PIP5K1B: variants seen among roughly 807,000 people sequenced by gnomAD.
The protein encoded by PIP5K1B is phosphatidylinositol 4-phosphate 5-kinase type-1 beta.
In PIP5K1B, 42 loss-of-function variants were observed where a neutral mutation model predicts 67.0. The observed-to-expected ratio is 0.63, with a 90% CI of 0.49 to 0.81. The LOEUF is 0.81. Ranked by LOEUF, PIP5K1B falls within the 30% of genes least tolerant of loss-of-function variation. The probability of loss-of-function intolerance (pLI) is 0.00; values close to 1 mark genes in which losing one functional copy is unlikely to be tolerated. For synonymous variants in PIP5K1B, 214 were observed against 231.4 expected (o/e 0.92, Z 0.68); for missense variants, 459 against 646.3 (o/e 0.71, Z 3.14).
chr9:68,953,805 T>TAAAA (rs71353095), intron 14 of PIP5K1B, among the ~76,000 whole-genome samples: 9 of 108,598 alleles, frequency 8.3e-5, no homozygotes, highest in East Asian at 2.4e-4. Flanking sequence ...GACTCTGTCT[T>TAAAA]AAAAAAAAAA....
intron 14 of PIP5K1B, among the ~76,000 whole-genome samples, chr9:68,982,542 A>G (rs1457962033): frequency 6.6e-6 from 1 of 152,188 alleles, no homozygotes; most frequent in Non-Finnish European, 1.5e-5. Flanking sequence ...GGATCGCCCA[A>G]GGCCAGGAGT....
intron 2 of PIP5K1B, among the ~76,000 whole-genome samples, chr9:68,794,510 T>TG (rs1307482507): frequency 5.3e-5 from 8 of 152,272 alleles, no homozygotes; most frequent in African/African-American, 1.9e-4. Context: ...GCTAAGGGCT[T>TG]TACTGACTTA....
intron 2 of PIP5K1B, among the ~76,000 whole-genome samples, chr9:68,802,821 G>A (rs1004004117): frequency 2.0e-5 from 3 of 152,168 alleles, no homozygotes; most frequent in East Asian, 1.9e-4. Context: ...TATGAGAGTC[G>A]TGAGAGGTCA....
In PIP5K1B at chr9:68,894,645, A is replaced by C. The variant is rs375976991; in HGVS notation, c.771+7A>C. On this transcript the variant is annotated splice_region_variant and intron_variant, in intron 8 of 15. Transcript: ENST00000265382. ...ACTTCAGAGAGACTGCCGGGTAAGG[A>C]AGTTTGATTGTTGTGATTTCCTTTG... is the stretch of plus-strand genomic sequence containing the variant. 193 of 1,611,946 alleles carry C rather than the reference A, an allele frequency of 1.2e-4. No individual in the cohort carries two copies. Among genetic ancestry groups the C allele is most frequent in the Non-Finnish European group, 1.6e-4 (184 of 1,178,530 alleles).
intron 14 of PIP5K1B, among the ~76,000 whole-genome samples, chr9:68,988,878 CG>C (rs1444940771): frequency 2.0e-5 from 3 of 151,652 alleles, no homozygotes; most frequent in Non-Finnish European, 4.4e-5. Flanking sequence ...GGGTGAATCA[CG>C]AGGTCAGGAG....
chr9:68,841,013 C>A (rs890863018), intron 4 of PIP5K1B, among the ~76,000 whole-genome samples: 1 of 152,202 alleles, frequency 6.6e-6, no homozygotes, highest in Non-Finnish European at 1.5e-5. Context: ...TAGATACCAA[C>A]TGTGATCCTG....
chr9:68,728,325 C>T (rs920101758), intron 1 of PIP5K1B, among the ~76,000 whole-genome samples: 5 of 152,124 alleles, frequency 3.3e-5, no homozygotes, highest in South Asian at 2.1e-4. Context: ...GCCATCTTCT[C>T]GTTGCATCCT....
At chr9:68,940,814 A>G in intron 14 of PIP5K1B, 24 bp downstream of exon 14, 1 of 1,609,978 alleles carries the variant, frequency 6.2e-7, no homozygotes, top group Non-Finnish European at 8.5e-7. Flanking sequence ...CAGTCAAATA[A>G]CCCATCAGGC....
At chr9:68,867,297 G>A (rs1195519304) in intron 5 of PIP5K1B, among the ~76,000 whole-genome samples, 1 of 152,146 alleles carries the variant, frequency 6.6e-6, no homozygotes, top group African/African-American at 2.4e-5. Context: ...CTCAACATTT[G>A]ATTCAGACCA....
At chr9:68,757,917 GTAAA>G (rs1290363630) in intron 2 of PIP5K1B, among the ~76,000 whole-genome samples, 1 of 152,094 alleles carries the variant, frequency 6.6e-6, no homozygotes, top group East Asian at 1.9e-4. Flanking sequence ...ACCCTGAAAA[GTAAA>G]TAGTGGCAGG....
chr9:68,992,699 G>A (rs1046585481), intron 15 of PIP5K1B, among the ~76,000 whole-genome samples: 2 of 151,620 alleles, frequency 1.3e-5, no homozygotes, highest in Non-Finnish European at 2.9e-5. Flanking sequence ...AATTAGGCAG[G>A]CATGGTGGTG....
chr9:68,973,283 A>G (rs375985034), intron 14 of PIP5K1B, among the ~76,000 whole-genome samples: 1 of 148,108 alleles, frequency 6.8e-6, no homozygotes, highest in South Asian at 2.1e-4. Context: ...CATTAACAAG[A>G]AAAAAAAATC....
At chr9:68,883,946 C>T (rs1482155853) in intron 6 of PIP5K1B, among the ~76,000 whole-genome samples, 1 of 152,108 alleles carries the variant, frequency 6.6e-6, no homozygotes, top group African/African-American at 2.4e-5. Flanking sequence ...ACTGGCCATC[C>T]ATATTCAGAA....
chr9:68,977,375 T>A (rs970542401), intron 14 of PIP5K1B, among the ~76,000 whole-genome samples: 1 of 152,024 alleles, frequency 6.6e-6, no homozygotes, highest in African/African-American at 2.4e-5. Context: ...TATAAAAAAT[T>A]AGCCAGGTGT....
intron 6 of PIP5K1B, among the ~76,000 whole-genome samples, chr9:68,885,376 G>T (rs1188689626): frequency 6.6e-6 from 1 of 152,134 alleles, no homozygotes; most frequent in Non-Finnish European, 1.5e-5. Flanking sequence ...GAACAAATCA[G>T]CTCTGGTGAT....
intron 9 of PIP5K1B, among the ~76,000 whole-genome samples, chr9:68,918,215 A>G (rs554872007): frequency 1.3e-5 from 2 of 151,704 alleles, no homozygotes; most frequent in East Asian, 1.9e-4. Context: ...TCAGCCTCCA[A>G]AGTAGCTGGA....
chr9:68,967,881 C>A (rs1001886360), intron 14 of PIP5K1B, among the ~76,000 whole-genome samples: 1 of 152,002 alleles, frequency 6.6e-6, no homozygotes, highest in Non-Finnish European at 1.5e-5. Context: ...AAGGCTCACC[C>A]CCATGGGGGT....
At chr9:68,989,324 G>A (rs1020681285) in intron 14 of PIP5K1B, among the ~76,000 whole-genome samples, 2 of 152,112 alleles carry the variant, frequency 1.3e-5, no homozygotes, top group African/African-American at 4.8e-5. Context: ...AGGAACCTCA[G>A]AGGATGCCTT....
intron 7 of PIP5K1B, among the ~76,000 whole-genome samples, chr9:68,889,873 T>C (rs1824689577): frequency 6.6e-6 from 1 of 152,038 alleles, no homozygotes; most frequent in South Asian, 2.1e-4. Flanking sequence ...TACGCAGTAA[T>C]AGTATAAATG....
Sources: allele counts gnomAD v4.1 joint callset (sites outside exome capture counted in the v4.1 genomes callset), GRCh38; gene constraint gnomAD v4.1.1; transcripts MANE v1.5; gene names NCBI Gene and HGNC (gene_info 2026-07-23, HGNC 2026-07-21).